The following KCNN2 variants were observed in gnomAD, a reference collection of about 807,000 sequenced individuals.
The protein encoded by KCNN2 is potassium calcium-activated channel subfamily N member 2.
Under a neutral mutation model 55.5 loss-of-function variants are expected in KCNN2, and 24 were observed. The ratio of observed to expected loss-of-function variants is 0.43; its 90% CI spans 0.31 to 0.61. The LOEUF (loss-of-function observed/expected upper bound fraction) is 0.61, where lower values mean the gene tolerates loss of function less well. Among genes scored for constraint, KCNN2 ranks in the 20% least tolerant of loss-of-function variants. The pLI is 0.08. For missense variants in KCNN2, 754 were observed against 853.6 expected, an observed-to-expected ratio of 0.88 and a Z score of 1.45; for synonymous variants, 431 against 336.1, an observed-to-expected ratio of 1.28 and a Z score of -3.09.
intron 1 of KCNN2, among the ~76,000 whole-genome samples, chr5:114,175,270 A>G (rs1753112589): frequency 6.6e-6 from 1 of 152,208 alleles, no homozygotes; most frequent in South Asian, 2.1e-4. Flanking sequence ...TATGTATTAC[A>G]AAGTTTCTTA....
chr5:114,462,991 C>T (rs1761277448), intron 3 of KCNN2, 58 bp from the exon 4 acceptor site: 19 of 1,524,390 alleles, frequency 1.2e-5, no homozygotes, highest in Non-Finnish European at 1.6e-5. Context: ...CCAAACCACA[C>T]TTAACTATCA....
chr5:114,467,425 T>C (rs1374826059), intron 4 of KCNN2, among the ~76,000 whole-genome samples: 1 of 152,212 alleles, frequency 6.6e-6, no homozygotes, highest in Non-Finnish European at 1.5e-5. Context: ...TTTAAAAATG[T>C]CTTACACAAT....
intron 2 of KCNN2, among the ~76,000 whole-genome samples, chr5:114,330,410 C>T (rs1209974994): frequency 6.6e-6 from 1 of 152,188 alleles, no homozygotes; most frequent in Non-Finnish European, 1.5e-5. Context: ...ACTTAATTTA[C>T]ATACTTATTA....
intron 2 of KCNN2, among the ~76,000 whole-genome samples, chr5:114,394,816 C>T (rs1758568464): frequency 6.6e-6 from 1 of 152,106 alleles, no homozygotes; most frequent in Non-Finnish European, 1.5e-5. Context: ...TTTAGACTTT[C>T]TGTTCTGTTC....
intron 5 of KCNN2, among the ~76,000 whole-genome samples, chr5:114,474,171 G>T (rs1761871625): frequency 1.3e-5 from 2 of 152,100 alleles, no homozygotes; most frequent in South Asian, 2.1e-4. Context: ...GATTTTGGTT[G>T]TATATTTAAA....
At chr5:114,082,335 A>G (rs1022052987) in intron 1 of KCNN2, among the ~76,000 whole-genome samples, 2 of 152,114 alleles carry the variant, frequency 1.3e-5, no homozygotes, top group South Asian at 4.1e-4. Context: ...AAAAAAAAAA[A>G]AAAGAAAAAG....
chr5:114,138,131 A>T lies in KCNN2; in HGVS notation c.-271+81631A>T, dbSNP rs114550112. ...TGAAAATCTGCTGTTTATTGTAAAA[A>T]ACAAACAAACAAAAAAACCCACAAC... On this transcript the variant is annotated intron_variant, in intron 1 of 10. Transcript: ENST00000512097. Among the ~76,000 whole-genome samples the T allele has an allele frequency of 8.2e-3, 1,256 of 152,280 alleles. 11 individuals carry two copies. Among genetic ancestry groups the T allele is most frequent in the African/African-American group, 0.028 (1,170 of 41,570 alleles).
At chr5:114,070,535 G>GCC (rs1416365260) in intron 1 of KCNN2, among the ~76,000 whole-genome samples, 1 of 152,266 alleles carries the variant, frequency 6.6e-6, no homozygotes, top group East Asian at 1.9e-4. Flanking sequence ...GTCAGGCAAG[G>GCC]CCCCCACCAG....
chr5:114,329,844 C>A (rs1756779627), intron 2 of KCNN2, among the ~76,000 whole-genome samples: 1 of 152,198 alleles, frequency 6.6e-6, no homozygotes, highest in South Asian at 2.1e-4. Context: ...CTACTTACTA[C>A]TGCTTCTTTG....
chr5:114,271,264 C>A (rs1178155143), intron 2 of KCNN2, among the ~76,000 whole-genome samples: 2 of 152,056 alleles, frequency 1.3e-5, no homozygotes, highest in Non-Finnish European at 2.9e-5. Flanking sequence ...GAAAAGTTCT[C>A]CAGGTCCCCA....
chr5:114,256,768 G>A (rs2150002495), intron 2 of KCNN2, among the ~76,000 whole-genome samples: 1 of 152,104 alleles, frequency 6.6e-6, no homozygotes, highest in African/African-American at 2.4e-5. Flanking sequence ...GGAGATTCTG[G>A]ATATTAGTCC....
At chr5:114,168,174 TACAC>T (rs10654082) in intron 1 of KCNN2, among the ~76,000 whole-genome samples, 55 of 148,708 alleles carry the variant, frequency 3.7e-4, no homozygotes, top group African/African-American at 1.2e-3. Flanking sequence ...TGGATATATA[TACAC>T]ACACACACAC....
chr5:114,309,991 C>T (rs1401626293), intron 2 of KCNN2, among the ~76,000 whole-genome samples: 1 of 152,182 alleles, frequency 6.6e-6, no homozygotes, highest in Non-Finnish European at 1.5e-5. Flanking sequence ...TCACAAAAGA[C>T]TTTCCTTACT....
intron 3 of KCNN2, among the ~76,000 whole-genome samples, chr5:114,441,985 A>G (rs1760232224): frequency 6.6e-6 from 1 of 152,202 alleles, no homozygotes; most frequent in African/African-American, 2.4e-5. Flanking sequence ...GGACTCAGGG[A>G]TAGCTTTCTG....
At chr5:114,279,475 A>G (rs1003048543) in intron 2 of KCNN2, among the ~76,000 whole-genome samples, 1 of 152,018 alleles carries the variant, frequency 6.6e-6, no homozygotes, top group Non-Finnish European at 1.5e-5. Context: ...AACAGGCCCC[A>G]GTGTGTGGTG....
At chr5:114,385,862 G>A (rs887725861) in intron 2 of KCNN2, among the ~76,000 whole-genome samples, 1 of 151,558 alleles carries the variant, frequency 6.6e-6, no homozygotes, top group African/African-American at 2.4e-5. Context: ...GGATTATCTT[G>A]TAATTATACA....
chr5:114,486,975 G>A (rs1747582382), intron 5 of KCNN2, 75 bp from the exon 6 acceptor site: 2 of 1,533,236 alleles, frequency 1.3e-6, no homozygotes, highest in African/African-American at 2.8e-5. Flanking sequence ...TTGGGATGAA[G>A]ACTATGACCC....
intron 4 of KCNN2, among the ~76,000 whole-genome samples, chr5:114,464,674 CA>C: frequency 6.6e-6 from 1 of 152,204 alleles, no homozygotes; most frequent in Admixed American, 6.5e-5. Flanking sequence ...AATAAGAATC[CA>C]GGGTCAATTT....
chr5:114,414,538 C>T (rs1166592540), intron 3 of KCNN2, among the ~76,000 whole-genome samples: 3 of 152,062 alleles, frequency 2.0e-5, no homozygotes, highest in African/African-American at 7.2e-5. Context: ...TCTGTCCCAC[C>T]CTGATAGTTC....
Sources: allele counts gnomAD v4.1 joint callset (sites outside exome capture counted in the v4.1 genomes callset), GRCh38; gene constraint gnomAD v4.1.1; transcripts MANE v1.5; gene names NCBI Gene and HGNC (gene_info 2026-07-23, HGNC 2026-07-21).